WDR41: variants seen among roughly 807,000 people sequenced by gnomAD.
WDR41 encodes WD repeat-containing protein 41.
WDR41 carries 63 observed loss-of-function variants against 69.3 expected under a neutral mutation model. That is an observed-to-expected ratio of 0.91 (90% CI 0.74 to 1.12). The LOEUF (loss-of-function observed/expected upper bound fraction) is 1.12, where lower values mean the gene tolerates loss of function less well. Ranked by LOEUF, WDR41 falls within the 50% of genes most tolerant of loss-of-function variation. The pLI, the probability that WDR41 is intolerant of heterozygous loss-of-function variation, is 0.00. For synonymous variants in WDR41, 185 were observed against 192.1 expected (o/e 0.96, Z 0.31); for missense variants, 543 against 534.5 (o/e 1.02, Z -0.16).
intron 1 of WDR41, among the ~76,000 whole-genome samples, chr5:77,512,108 A>G (rs1401350339): frequency 6.6e-6 from 1 of 152,142 alleles, no homozygotes; most frequent in African/African-American, 2.4e-5. Flanking sequence ...TAAATGTATA[A>G]TTTTATTAGC....
At chr5:77,574,738 T>C (rs1743798707) in intron 1 of WDR41, among the ~76,000 whole-genome samples, 2 of 152,202 alleles carry the variant, frequency 1.3e-5, no homozygotes, top group Non-Finnish European at 2.9e-5. Flanking sequence ...AATTATCCTC[T>C]CTTTCACAGA....
chr5:77,437,711 C>T (rs1419356944), intron 10 of WDR41, among the ~76,000 whole-genome samples: 1 of 152,170 alleles, frequency 6.6e-6, no homozygotes, highest in African/African-American at 2.4e-5. Context: ...ATGTCCTAAG[C>T]AGCCCCCTTC....
chr5:77,441,694 C>T (rs900977168), intron 8 of WDR41, among the ~76,000 whole-genome samples: 27 of 151,864 alleles, frequency 1.8e-4, no homozygotes, highest in African/African-American at 5.1e-4. Flanking sequence ...GCTGAGATCG[C>T]GCCACTGCAC....
chr5:77,595,587 A>G (rs192250955), intron 1 of WDR41, among the ~76,000 whole-genome samples: 2 of 149,600 alleles, frequency 1.3e-5, no homozygotes, highest in Admixed American at 6.7e-5. Context: ...CATTTCCACT[A>G]TTGTAAGTGG....
intron 1 of WDR41, among the ~76,000 whole-genome samples, chr5:77,571,341 A>C (rs1743729369): frequency 2.6e-5 from 4 of 152,218 alleles, no homozygotes; most frequent in South Asian, 4.1e-4. Context: ...AAACTTCTAC[A>C]CTGAGTTATG....
At chr5:77,563,336 C>T (rs1457536097) in intron 1 of WDR41, among the ~76,000 whole-genome samples, 2 of 152,104 alleles carry the variant, frequency 1.3e-5, no homozygotes, top group African/African-American at 4.8e-5. Flanking sequence ...CCAGCAAGAC[C>T]ACATGCTATA....
intron 1 of WDR41, among the ~76,000 whole-genome samples, chr5:77,607,748 A>C (rs1744450631): frequency 1.3e-5 from 2 of 152,248 alleles, no homozygotes; most frequent in African/African-American, 4.8e-5. Context: ...GAAAATATAT[A>C]AAATAACTTT....
chr5:77,469,122 T>A (rs1800438354), intron 2 of WDR41, among the ~76,000 whole-genome samples: 1 of 152,136 alleles, frequency 6.6e-6, no homozygotes, highest in South Asian at 2.1e-4. Flanking sequence ...ACCATCATTC[T>A]CAGCAAACTA....
At chr5:77,443,460 A>T (rs148143470) in intron 8 of WDR41, among the ~76,000 whole-genome samples, 60 of 152,356 alleles carry the variant, frequency 3.9e-4, no homozygotes, top group African/African-American at 1.4e-3. Flanking sequence ...CTCCAAGGCC[A>T]TAATAGGTAG....
In WDR41 at chr5:77,502,533, C is replaced by A. The variant is rs1007837461; in HGVS notation, c.43-12961G>T. Among the ~76,000 whole-genome samples the A allele has an allele frequency of 2.0e-5, 3 of 152,132 alleles. 1 individual carries two copies. Among genetic ancestry groups the A allele is most frequent in the Non-Finnish European group, 2.9e-5 (2 of 68,024 alleles). ...AAAAATAGATAACACCACAAAGATA[C>A]TCCTCAAGAAGAGCAACCCCAAGAC... On this transcript the variant is annotated intron_variant, in intron 1 of 5. Coordinates refer to the WDR41 transcript ENST00000509971.
At chr5:77,452,644 C>T (rs1415137602) in intron 6 of WDR41, 1 of 152,176 alleles carries the variant, frequency 6.6e-6, no homozygotes, top group Non-Finnish European at 1.5e-5. Flanking sequence ...TTGGAAAACC[C>T]AAATGATGAA....
At chr5:77,494,063 C>A (rs1801900054), upstream of WDR41, among the ~76,000 whole-genome samples, 1 of 152,080 alleles carries the variant, frequency 6.6e-6, no homozygotes, top group African/African-American at 2.4e-5. Flanking sequence ...GGAGCAGAGT[C>A]TTTGTATGCT....
intron 1 of WDR41, chr5:77,582,649 G>A (rs544200785): frequency 6.2e-7 from 1 of 1,601,960 alleles, no homozygotes; most frequent in East Asian, 2.2e-5. Context: ...ATTGGCGTTT[G>A]TCATCAGAAT....
chr5:77,466,975 TA>T (rs991434907), intron 2 of WDR41, among the ~76,000 whole-genome samples: 7 of 151,746 alleles, frequency 4.6e-5, no homozygotes, highest in African/African-American at 1.7e-4. Context: ...CCCATCCTAT[TA>T]TGATGGATAA....
chr5:77,493,575 A>G (rs72769079), upstream of WDR41, among the ~76,000 whole-genome samples: 6 of 152,134 alleles, frequency 3.9e-5, no homozygotes, highest in African/African-American at 1.4e-4. Context: ...TTTTGAGTGC[A>G]CTCGGCAAGA....
intron 1 of WDR41, among the ~76,000 whole-genome samples, chr5:77,602,035 G>A (rs1744331581): frequency 6.6e-6 from 1 of 151,990 alleles, no homozygotes; most frequent in African/African-American, 2.4e-5. Context: ...ACCCTACTCT[G>A]TTATCAAACA....
intron 1 of WDR41, among the ~76,000 whole-genome samples, chr5:77,503,190 CAAA>C (rs144057313): frequency 1.5e-4 from 11 of 74,294 alleles, no homozygotes; most frequent in Non-Finnish European, 1.8e-4. Context: ...AAATGGAAAG[CAAA>C]AAAAAAAAAA....
intron 1 of WDR41, among the ~76,000 whole-genome samples, chr5:77,544,954 A>T (rs984527126): frequency 6.6e-6 from 1 of 152,168 alleles, no homozygotes; most frequent in African/African-American, 2.4e-5. Flanking sequence ...AAGAAAATCG[A>T]AATTGTAACA....
chr5:77,609,571 C>T (rs1306879701), intron 1 of WDR41, among the ~76,000 whole-genome samples: 2 of 152,194 alleles, frequency 1.3e-5, no homozygotes, highest in East Asian at 3.9e-4. Flanking sequence ...CTCTAGCAAA[C>T]TCCAACAGAC....
Sources: allele counts gnomAD v4.1 joint callset (sites outside exome capture counted in the v4.1 genomes callset), GRCh38; gene constraint gnomAD v4.1.1; transcripts MANE v1.5; gene names NCBI Gene and HGNC (gene_info 2026-07-23, HGNC 2026-07-21).